The following PSIP1 variants were observed in gnomAD, a reference collection of about 807,000 sequenced individuals.
PSIP1 encodes the protein PC4 and SFRS1-interacting protein.
In PSIP1, 19 loss-of-function variants were observed where a neutral mutation model predicts 74.7. That is an observed-to-expected ratio of 0.25 (90% CI 0.18 to 0.37). The LOEUF (loss-of-function observed/expected upper bound fraction) is 0.37, where lower values mean the gene tolerates loss of function less well. Ranked by LOEUF, PSIP1 falls within the 10% of genes least tolerant of loss-of-function variation. The probability of loss-of-function intolerance (pLI) is 1.00; values close to 1 mark genes in which losing one functional copy is unlikely to be tolerated. For synonymous variants in PSIP1, 222 were observed against 195.3 expected (o/e 1.14, Z -1.14); for missense variants, 601 against 614.3 (o/e 0.98, Z 0.23).
chr9:15,490,638 A>G (rs1424168381), intron 3 of PSIP1, among the ~76,000 whole-genome samples: 33 of 142,250 alleles, frequency 2.3e-4, no homozygotes, highest in South Asian at 6.8e-4. Flanking sequence ...AGCTGTGATC[A>G]CGCCACTGCA....
chr9:15,492,837 C>G (rs896485842), intron 3 of PSIP1, among the ~76,000 whole-genome samples: 1 of 152,234 alleles, frequency 6.6e-6, no homozygotes, highest in African/African-American at 2.4e-5. Context: ...GGCTTGCACC[C>G]TCTGAAACAA....
intron 6 of PSIP1, among the ~76,000 whole-genome samples, chr9:15,480,080 T>G (rs1037688624): frequency 6.6e-6 from 1 of 152,222 alleles, no homozygotes; most frequent in East Asian, 1.9e-4. Context: ...GGAGTTATTC[T>G]TATTTCCCGT....
intron 3 of PSIP1, among the ~76,000 whole-genome samples, chr9:15,502,869 T>C (rs534882662): frequency 6.6e-5 from 10 of 152,342 alleles, no homozygotes; most frequent in African/African-American, 1.9e-4. Flanking sequence ...CAAAACTTGA[T>C]TGCTGAACAT....
At chr9:15,488,926 C>G (rs1480437601) in intron 4 of PSIP1, among the ~76,000 whole-genome samples, 5 of 152,138 alleles carry the variant, frequency 3.3e-5, no homozygotes, top group African/African-American at 1.2e-4. Context: ...AAGGCTGAGG[C>G]AGGAGAATGG....
intron 8 of PSIP1, 82 bp downstream of exon 8, chr9:15,478,395 C>A: frequency 9.5e-7 from 1 of 1,057,460 alleles, no homozygotes; most frequent in African/African-American, 1.6e-5. Flanking sequence ...TAAGAGAAAA[C>A]TGATAAAATC....
At chr9:15,474,922 AATTTC>A (rs1563871843) in intron 8 of PSIP1, among the ~76,000 whole-genome samples, 1 of 152,224 alleles carries the variant, frequency 6.6e-6, no homozygotes, top group African/African-American at 2.4e-5. Flanking sequence ...CTGTCCAAAG[AATTTC>A]ATTGAGATTT....
chr9:15,468,175 G>A (rs538287159), intron 14 of PSIP1, among the ~76,000 whole-genome samples: 1 of 151,816 alleles, frequency 6.6e-6, no homozygotes, highest in African/African-American at 2.4e-5. Flanking sequence ...GTCTGTTCAG[G>A]GTAACTCAGC....
intron 6 of PSIP1, 21 bp downstream of exon 6, chr9:15,485,985 T>G: frequency 6.3e-7 from 1 of 1,576,950 alleles, no homozygotes; most frequent in Non-Finnish European, 8.7e-7. Flanking sequence ...ATCCCCATGG[T>G]TGGTAAGTCA....
chr9:15,504,957 ACT>A (rs1491347687), intron 3 of PSIP1: 3 of 143,726 alleles, frequency 2.1e-5, no homozygotes, highest in Non-Finnish European at 1.5e-5. Context: ...AGGCCTAAGA[ACT>A]TTTTTTTTTT....
intron 4 of PSIP1, 106 bp from the exon 5 acceptor site, chr9:15,487,037 C>T: frequency 1.5e-6 from 1 of 662,192 alleles, no homozygotes; most frequent in Non-Finnish European, 2.3e-6. Context: ...CTCACTCTAT[C>T]ACCCAGGCTG....
intron 5 of PSIP1, 25 bp from the exon 6 acceptor site, chr9:15,486,093 A>G (rs1481456402): frequency 6.5e-7 from 1 of 1,526,936 alleles, no homozygotes; most frequent in East Asian, 2.3e-5. Flanking sequence ...AGAAAACTGA[A>G]TACTGAATAA....
At chr9:15,505,572 G>T (rs1328133802) in intron 3 of PSIP1, 1 of 152,156 alleles carries the variant, frequency 6.6e-6, no homozygotes, top group Non-Finnish European at 1.5e-5. Context: ...TCCAGAACTG[G>T]TAAGTCTATA....
Position 15,510,848 on chromosome 9 carries a change from T to C in PSIP1, c.-173A>G, listed in dbSNP as rs1405651749. 1.3e-5 allele frequency: 2 copies of C among 151,956 alleles called. No homozygotes were observed. Among genetic ancestry groups the C allele is most frequent in the Non-Finnish European group, 2.9e-5 (2 of 67,988 alleles). 9.4% of individuals were successfully genotyped at this position (151,956 alleles called of 1,614,324 possible). ...GGGCCGCGGGCGCCGACGCTGCGGT[T>C]GCTGGCCGGTCGCCTCTACCCGCGT... On this transcript the variant is annotated 5_prime_UTR_variant, in exon 1 of 16. Transcript: ENST00000380733.
chr9:15,492,330 G>A (rs907468150), intron 3 of PSIP1: 7 of 152,162 alleles, frequency 4.6e-5, no homozygotes, highest in African/African-American at 1.7e-4. Context: ...AAAACAAAGG[G>A]GCTACAGGCC....
chr9:15,470,049 C>T, intron 10 of PSIP1, 56 bp from the exon 11 acceptor site: 1 of 1,373,200 alleles, frequency 7.3e-7, no homozygotes, highest in Non-Finnish European at 1.0e-6. Flanking sequence ...ACTAAATGCC[C>T]ACAATCCCTA....
rs200490010 is a variant in PSIP1 at position 15,495,564 on chromosome 9, T to TA, written c.150-5441dup. 6.1e-3 allele frequency among the ~76,000 whole-genome samples: 924 copies of TA among 152,176 alleles called. 11 individuals carry two copies. The highest frequency in any genetic ancestry group is 0.021 in the African/African-American group (855 of 41,530). ...ATTAAAGTGTATCATTTCTTTGTATTAAAAAAAATCTATCAAGAATAGTTT... is the reference window on the plus strand; with the variant it reads ...ATTAAAGTGTATCATTTCTTTGTATTAAAAAAAAATCTATCAAGAATAGTTT... On this transcript the variant is annotated intron_variant, in intron 3 of 15. Coordinates refer to ENST00000380733, the MANE Select transcript of PSIP1 (RefSeq NM_033222.5).
At chr9:15,499,257 T>C (rs936538179) in intron 3 of PSIP1, among the ~76,000 whole-genome samples, 2 of 152,204 alleles carry the variant, frequency 1.3e-5, no homozygotes, top group African/African-American at 4.8e-5. Context: ...TATTTCTCTA[T>C]ATGTACGAAC....
chr9:15,506,007 G>A (rs1401530617), intron 3 of PSIP1: 3 of 152,268 alleles, frequency 2.0e-5, no homozygotes, highest in Admixed American at 6.5e-5. Flanking sequence ...GTAGCCTCCT[G>A]AGTGATCCCA....
intron 6 of PSIP1, 43 bp from the exon 7 acceptor site, chr9:15,479,730 G>A: frequency 2.6e-6 from 4 of 1,523,996 alleles, no homozygotes; most frequent in Non-Finnish European, 3.6e-6. Flanking sequence ...CAAATAGTAG[G>A]CACTCAAAGT....
Sources: gnomAD v4.1 joint callset for allele counts (sites outside exome capture counted in the v4.1 genomes callset) on GRCh38, gnomAD v4.1.1 for gene constraint, MANE v1.5 for transcripts, NCBI Gene and HGNC (gene_info 2026-07-23, HGNC 2026-07-21) for gene names.